The following ERC2 variants were observed in gnomAD, a reference collection of about 807,000 sequenced individuals.
ERC2 encodes the protein ERC protein 2.
Under a neutral mutation model 114.8 loss-of-function variants are expected in ERC2, and 42 were observed. That is an observed-to-expected ratio of 0.37 (90% CI 0.29 to 0.47). The LOEUF (loss-of-function observed/expected upper bound fraction) is 0.47. Among genes scored for constraint, ERC2 ranks in the 20% least tolerant of loss-of-function variants. ERC2 has a pLI of 0.99. For synonymous variants in ERC2, 454 were observed against 425.5 expected (o/e 1.07, Z -0.82); for missense variants, 939 against 1,150.7 (o/e 0.82, Z 2.66).
At chr3:56,424,544 T>G (rs1473471304) in intron 2 of ERC2, among the ~76,000 whole-genome samples, 3 of 152,340 alleles carry the variant, frequency 2.0e-5, no homozygotes, top group African/African-American at 7.2e-5. Flanking sequence ...CAAAGATGTA[T>G]AGTTCACTTC....
intron 1 of ERC2, among the ~76,000 whole-genome samples, chr3:56,456,142 T>C (rs766856776): frequency 8.5e-5 from 13 of 152,356 alleles, no homozygotes; most frequent in Non-Finnish European, 1.5e-4. Context: ...AGTCTTTTTC[T>C]AGTTCCACAG....
At chr3:56,254,159 C>T (rs941138639) in intron 3 of ERC2, among the ~76,000 whole-genome samples, 15 of 152,208 alleles carry the variant, frequency 9.9e-5, no homozygotes, top group African/African-American at 3.1e-4. Flanking sequence ...TGCTTTATGT[C>T]GTCCCCTTTT....
chr3:56,300,292 A>C (rs2055782034), intron 2 of ERC2, among the ~76,000 whole-genome samples: 1 of 151,810 alleles, frequency 6.6e-6, no homozygotes, highest in Admixed American at 6.6e-5. Flanking sequence ...AAAAAAAAAA[A>C]AAAGAAAAAC....
chr3:56,414,891 T>C (rs1239521067), intron 2 of ERC2, among the ~76,000 whole-genome samples: 5 of 152,170 alleles, frequency 3.3e-5, no homozygotes, highest in African/African-American at 1.2e-4. Flanking sequence ...TGTTCTTCAT[T>C]TCACCTTTAA....
At chr3:56,100,473 C>T (rs181752875) in intron 6 of ERC2, among the ~76,000 whole-genome samples, 58 of 152,308 alleles carry the variant, frequency 3.8e-4, no homozygotes, top group Middle Eastern at 3.4e-3. Flanking sequence ...GCTTACGTGA[C>T]TTCACTTTAT....
intron 2 of ERC2, among the ~76,000 whole-genome samples, chr3:56,374,922 T>C (rs2059485264): frequency 6.6e-6 from 1 of 152,196 alleles, no homozygotes; most frequent in Non-Finnish European, 1.5e-5. Flanking sequence ...TTCAATGCAA[T>C]AATATTTCAA....
At chr3:55,855,407 T>C (rs994518786) in intron 14 of ERC2, among the ~76,000 whole-genome samples, 3 of 152,256 alleles carry the variant, frequency 2.0e-5, no homozygotes, top group African/African-American at 7.2e-5. Context: ...AAACATACAG[T>C]ATTTATATGC....
intron 6 of ERC2, among the ~76,000 whole-genome samples, chr3:56,126,860 G>GGAAAA (rs1338437276): frequency 2.0e-3 from 272 of 136,916 alleles, no homozygotes; most frequent in African/African-American, 6.8e-3. Flanking sequence ...GGAAAAGAAA[G>GGAAAA]GCAAGGCAAG....
chr3:55,646,553 ATAATGC>A (rs2060408151), intron 17 of ERC2, among the ~76,000 whole-genome samples: 1 of 152,200 alleles, frequency 6.6e-6, no homozygotes, highest in Admixed American at 6.5e-5. Flanking sequence ...CTAAAGAATA[ATAATGC>A]TAATATTTGT....
Position 55,950,441 on chromosome 3 carries a change from T to G in ERC2, c.2387A>C (p.Asn796Thr), listed in dbSNP as rs2067419404. The G allele has an allele frequency of 1.2e-6, 2 of 1,614,036 alleles. No homozygotes were observed. The highest frequency in any genetic ancestry group is 4.5e-5 in the East Asian group (2 of 44,876). The change falls in exon 13 of 18, where the codon AAC (asparagine) becomes ACC (threonine). Residue 796 changes from asparagine (N) to threonine (T), a missense_variant. By Grantham distance (65) the Asn-to-Thr change is moderately conservative (BLOSUM62 0). Coordinates refer to ENST00000288221, the MANE Select transcript of ERC2 (RefSeq NM_015576.3). ...TGTGCTTACCTGCAAATGCTGTGAG[T>G]TGTCAGCCATGCTGTCTTCTCGCCT... is the stretch of plus-strand genomic sequence containing the variant. ...VRRREDSMAD[N>T]SQHLQIEELM...
intron 7 of ERC2, among the ~76,000 whole-genome samples, chr3:56,020,292 C>T (rs971232989): frequency 6.6e-6 from 1 of 152,142 alleles, no homozygotes; most frequent in Admixed American, 6.5e-5. Flanking sequence ...TCCTTTCTTC[C>T]AGCCTCCTTC....
chr3:55,740,871 G>C (rs1032810144), intron 14 of ERC2, among the ~76,000 whole-genome samples: 1 of 152,112 alleles, frequency 6.6e-6, no homozygotes, highest in African/African-American at 2.4e-5. Context: ...CAAAATCCTA[G>C]ATGCTTTGAG....
In ERC2 at chr3:55,535,850, C is replaced by T. The variant is rs1053353391; in HGVS notation, c.*40-24574G>A. On this transcript the variant is annotated intron_variant, in intron 17 of 17. Coordinates refer to ENST00000288221, the MANE Select transcript of ERC2 (RefSeq NM_015576.3). The stretch of plus-strand genomic sequence containing the variant: ...CTCTACTAAAAATACAAAAATTAGC[C>T]GGACATGGTGGCGGGTGCCTGTAAT... Among the ~76,000 whole-genome samples, 6 of 152,122 alleles carry T rather than the reference C, an allele frequency of 3.9e-5. No individual in the cohort carries two copies. In the South Asian group the frequency reaches 1.0e-3, roughly 26 times the overall value.
intron 4 of ERC2, among the ~76,000 whole-genome samples, chr3:56,155,104 C>T (rs2081622662): frequency 6.6e-6 from 1 of 152,154 alleles, no homozygotes; most frequent in Non-Finnish European, 1.5e-5. Context: ...TTCCAGCTAT[C>T]GCACATATCT....
At chr3:55,644,142 T>C (rs1026246424) in intron 17 of ERC2, among the ~76,000 whole-genome samples, 1 of 152,160 alleles carries the variant, frequency 6.6e-6, no homozygotes, top group Admixed American at 6.5e-5. Flanking sequence ...TGTCAACTAG[T>C]TGGTTGATCT....
intron 17 of ERC2, among the ~76,000 whole-genome samples, chr3:55,648,890 G>A (rs948261601): frequency 2.6e-5 from 4 of 152,066 alleles, no homozygotes; most frequent in South Asian, 2.1e-4. Flanking sequence ...AAGGGGGAGC[G>A]GCAGAGAGAG....
At chr3:55,636,838 T>A (rs950026751) in intron 17 of ERC2, among the ~76,000 whole-genome samples, 1 of 152,222 alleles carries the variant, frequency 6.6e-6, no homozygotes, top group African/African-American at 2.4e-5. Context: ...ACCTTGCTAA[T>A]GACAAACCAG....
At chr3:56,270,597 G>A (rs1001099378) in intron 3 of ERC2, among the ~76,000 whole-genome samples, 8 of 152,194 alleles carry the variant, frequency 5.3e-5, no homozygotes, top group Non-Finnish European at 1.0e-4. Flanking sequence ...CACCAGCATG[G>A]CAGGCTATTT....
At chr3:55,963,547 T>C (rs1224883752) in intron 12 of ERC2, among the ~76,000 whole-genome samples, 1 of 152,166 alleles carries the variant, frequency 6.6e-6, no homozygotes, top group African/African-American at 2.4e-5. Context: ...AGATAAAAAC[T>C]CCTGCCCTCT....
Sources: gnomAD v4.1 joint callset for allele counts (sites outside exome capture counted in the v4.1 genomes callset) on GRCh38, gnomAD v4.1.1 for gene constraint, MANE v1.5 for transcripts, NCBI Gene and HGNC (gene_info 2026-07-23, HGNC 2026-07-21) for gene names.